MTHFD2L: variants seen among roughly 807,000 people sequenced by gnomAD.
The protein encoded by MTHFD2L is bifunctional methylenetetrahydrofolate dehydrogenase/cyclohydrolase 2, mitochondrial.
A neutral mutation model predicts 34.9 loss-of-function variants in MTHFD2L; 29 were observed. That is an observed-to-expected ratio of 0.83 (90% CI 0.62 to 1.13). MTHFD2L has a LOEUF of 1.13. MTHFD2L is among the 50% of genes most tolerant of loss of function. The pLI, the probability that MTHFD2L is intolerant of heterozygous loss-of-function variation, is 0.00. For missense variants in MTHFD2L, 481 were observed against 446.5 expected (o/e 1.08, Z -0.70); for synonymous variants, 167 against 155.7 (o/e 1.07, Z -0.54).
chr4:74,199,646 C>T (rs997985814), intron 3 of MTHFD2L, 148 bp from the exon 4 acceptor site: 9 of 668,276 alleles, frequency 1.3e-5, no homozygotes, highest in Admixed American at 9.7e-5. Context: ...ATTTTGGTGG[C>T]AAATAATAAT....
chr4:74,178,784 A>G (rs997257010), intron 3 of MTHFD2L, among the ~76,000 whole-genome samples: 2 of 152,086 alleles, frequency 1.3e-5, no homozygotes, highest in Non-Finnish European at 2.9e-5. Flanking sequence ...TCCTCACAAT[A>G]ATCCTGTGAA....
At chr4:74,232,226 T>G (rs928533106) in intron 6 of MTHFD2L, among the ~76,000 whole-genome samples, 2 of 152,190 alleles carry the variant, frequency 1.3e-5, no homozygotes, top group African/African-American at 4.8e-5. Flanking sequence ...TTATGGAAAC[T>G]TTATTTTTAT....
rs866393311 is a variant in MTHFD2L at position 74,174,491 on chromosome 4, T to A, written c.144-15T>A. 7.0e-7 allele frequency: 1 copy of A among 1,434,828 alleles called. No individual in the cohort carries two copies. Among genetic ancestry groups the A allele is most frequent in the Middle Eastern group, 1.9e-4 (1 of 5,332 alleles). 88.9% of individuals were successfully genotyped at this position (1,434,828 alleles called of 1,614,324 possible). A position where few individuals can be genotyped will look rare whatever the true frequency, so the allele number is the denominator to read the frequency against. On this transcript the variant is annotated splice_polypyrimidine_tract_variant and intron_variant, in intron 1 of 7. Transcript: ENST00000325278. ...CTTATTTTCTTTTTAGTATTTATTG[T>A]TTTGCTTTCCACAGACATGAAGCCA...
At chr4:74,255,136 C>CAAAAAAAAA (rs34300013) in intron 6 of MTHFD2L, among the ~76,000 whole-genome samples, 23 of 69,192 alleles carry the variant, frequency 3.3e-4, no homozygotes, top group South Asian at 7.7e-4. Flanking sequence ...ACTCCATCTC[C>CAAAAAAAAA]AAAAAAAAAA....
At chr4:74,257,549 A>G (rs539867761) in intron 6 of MTHFD2L, among the ~76,000 whole-genome samples, 47 of 152,200 alleles carry the variant, frequency 3.1e-4, no homozygotes, top group Non-Finnish European at 6.5e-4. Flanking sequence ...TTAGGATTCC[A>G]TTAATTAGAG....
chr4:74,158,407 G>C (rs1215184003), intron 1 of MTHFD2L, 126 bp downstream of exon 1: 2 of 722,012 alleles, frequency 2.8e-6, no homozygotes, highest in East Asian at 1.2e-4. Context: ...GCTGGGTCGA[G>C]GACAGCCTTG....
chr4:74,115,811 T>C (rs1299937470), intron 2 of MTHFD2L, among the ~76,000 whole-genome samples: 1 of 152,190 alleles, frequency 6.6e-6, no homozygotes, highest in Non-Finnish European at 1.5e-5. Context: ...GCTGAATGCA[T>C]AAAGTATGCA....
intron 5 of MTHFD2L, among the ~76,000 whole-genome samples, chr4:74,220,162 G>C (rs1289401219): frequency 6.6e-6 from 1 of 151,802 alleles, no homozygotes; most frequent in Non-Finnish European, 1.5e-5. Context: ...GGTTGTTAAG[G>C]TATTAAGGAA....
At chr4:74,279,279 A>G (rs1747115972) in intron 6 of MTHFD2L, among the ~76,000 whole-genome samples, 1 of 152,018 alleles carries the variant, frequency 6.6e-6, no homozygotes, top group African/African-American at 2.4e-5. Flanking sequence ...CACAACATTA[A>G]GGAAATACAG....
At chr4:74,232,936 G>C (rs1044540447) in intron 6 of MTHFD2L, among the ~76,000 whole-genome samples, 68 of 152,058 alleles carry the variant, frequency 4.5e-4, no homozygotes, top group Admixed American at 4.5e-3. Context: ...GAGTTTTACT[G>C]TTATGAATAA....
intron 1 of MTHFD2L, among the ~76,000 whole-genome samples, chr4:74,141,253 G>T (rs1448916314): frequency 6.6e-6 from 1 of 152,276 alleles, no homozygotes; most frequent in East Asian, 1.9e-4. Flanking sequence ...CTTAAGCAGG[G>T]TTGATTACTA....
chr4:74,172,659 C>T (rs1578339902), intron 1 of MTHFD2L, among the ~76,000 whole-genome samples: 1 of 152,154 alleles, frequency 6.6e-6, no homozygotes, highest in South Asian at 2.1e-4. Flanking sequence ...CAGGTTTTTC[C>T]CCTGCCCCCA....
chr4:74,284,398 T>G (rs1233052743), intron 7 of MTHFD2L, among the ~76,000 whole-genome samples: 2 of 152,154 alleles, frequency 1.3e-5, no homozygotes, highest in African/African-American at 4.8e-5. Flanking sequence ...GGTATCTCAT[T>G]GTGGTTTTGA....
intron 6 of MTHFD2L, among the ~76,000 whole-genome samples, chr4:74,225,806 C>T (rs1168909741): frequency 6.6e-6 from 1 of 151,952 alleles, no homozygotes; most frequent in East Asian, 1.9e-4. Context: ...ACTATGCTGC[C>T]CTAAACACAG....
intron 6 of MTHFD2L, among the ~76,000 whole-genome samples, chr4:74,231,216 C>T (rs546300189): frequency 6.6e-6 from 1 of 152,104 alleles, no homozygotes; most frequent in Non-Finnish European, 1.5e-5. Context: ...AATTTCCTTT[C>T]ACCACTTCTC....
intron 6 of MTHFD2L, among the ~76,000 whole-genome samples, chr4:74,248,027 A>G (rs1045516227): frequency 6.6e-5 from 10 of 152,036 alleles, no homozygotes; most frequent in Non-Finnish European, 1.0e-4. Context: ...CTCTTTTTCT[A>G]TTGAATGGAA....
chr4:74,242,051 A>G (rs959409458), intron 6 of MTHFD2L: 1 of 152,330 alleles, frequency 6.6e-6, no homozygotes, highest in African/African-American at 2.4e-5. Context: ...TCTTAACTGT[A>G]TCAATGTCAA....
chr4:74,206,928 C>T (rs183805421), intron 5 of MTHFD2L, among the ~76,000 whole-genome samples: 1 of 152,086 alleles, frequency 6.6e-6, no homozygotes, highest in Admixed American at 6.5e-5. Context: ...TGAGACAGGG[C>T]CTCACGCTGT....
chr4:74,144,417 C>T (rs192895773), intron 1 of MTHFD2L, among the ~76,000 whole-genome samples: 22 of 152,106 alleles, frequency 1.4e-4, no homozygotes, highest in East Asian at 5.8e-4. Flanking sequence ...TGTGCCACTG[C>T]GCTCCAGCCT....
Sources: allele counts gnomAD v4.1 joint callset (sites outside exome capture counted in the v4.1 genomes callset), GRCh38; gene constraint gnomAD v4.1.1; transcripts MANE v1.5; gene names NCBI Gene and HGNC (gene_info 2026-07-23, HGNC 2026-07-21).